PRX: variants seen among roughly 807,000 people sequenced by gnomAD.
PRX encodes periaxin.
PRX carries 24 observed loss-of-function variants against 29.6 expected under a neutral mutation model. That is an observed-to-expected ratio of 0.81 (90% CI 0.59 to 1.14). PRX has a LOEUF of 1.14. Ranked by LOEUF, PRX falls within the 50% of genes most tolerant of loss-of-function variation. The pLI is 0.00. For missense variants in PRX, 1,838 were observed against 1,926.4 expected (o/e 0.95, Z 0.86); for synonymous variants, 772 against 831.7 (o/e 0.93, Z 1.24).
Position 40,408,003 on chromosome 19 carries a change from A to C in PRX, c.-71T>G. 6.3e-7 allele frequency: 1 copy of C among 1,599,132 alleles called. No homozygotes were observed. Reference sequence around the variant, plus strand: ...CCCTTTCTGCTGCAGAACCAGCTTCAGTTCTGCATGGAGCAGCTGCCTCTG... The same window carrying C: ...CCCTTTCTGCTGCAGAACCAGCTTCCGTTCTGCATGGAGCAGCTGCCTCTG... On this transcript the variant is annotated 5_prime_UTR_variant, in exon 4 of 7. It removes the in-frame stop codon of an upstream open reading frame in the 5' UTR. Transcript: ENST00000324001.
upstream of PRX, among the ~76,000 whole-genome samples, chr19:40,414,784 C>T (rs1444175308): frequency 6.6e-6 from 1 of 152,200 alleles, no homozygotes; most frequent in Non-Finnish European, 1.5e-5. Context: ...AAGCTCGTCG[C>T]TCTCTGAACC....
In PRX at chr19:40,397,246, G is replaced by T; in HGVS notation, c.1106C>A (p.Ala369Glu). 6.2e-7 allele frequency: 1 copy of T among 1,613,788 alleles called. No homozygotes were observed. The highest frequency in any genetic ancestry group is 8.5e-7 in the Non-Finnish European group (1 of 1,180,028). The change falls in exon 7 of 7, where the codon GCA becomes GAA. Residue 369 changes from alanine to glutamate, a missense_variant. Ala to Glu is a moderately radical substitution (Grantham distance 107). Around this residue, in one of 3 missense-constraint regions of PRX, gnomAD observed 666 missense variants for 665.0 expected, o/e 1.00. Transcript: ENST00000324001. ...TACCTTGGCCTCAGCAACTTCCTTT[G>T]CTCGAGCCCCAAATCGGGGAAAACT... ...RLSFPRFGAR[A>E]KEVAEAKVAK... is the part of the protein sequence containing the mutation.
Position 40,393,921 on chromosome 19 carries a change from G to T in PRX, c.*45C>A. 6.2e-7 allele frequency: 1 copy of T among 1,602,914 alleles called. No individual in the cohort carries two copies. ...TTATCACACACACAACAGCGAGGGG[G>T]TAGAGAAAGGAAGGCAAGAAGGGAT... On this transcript the variant is annotated 3_prime_UTR_variant, in exon 7 of 7. Coordinates refer to ENST00000324001, the MANE Select transcript of PRX (RefSeq NM_181882.3).
chr19:40,412,664 T>TA, intron 1 of PRX, among the ~76,000 whole-genome samples: 1 of 152,146 alleles, frequency 6.6e-6, no homozygotes, highest in South Asian at 2.1e-4. Flanking sequence ...GCTGCCTCCC[T>TA]AGCACCCTAC....
chr19:40,406,269 C>T (rs2079530000), intron 4 of PRX, among the ~76,000 whole-genome samples: 3 of 149,368 alleles, frequency 2.0e-5, no homozygotes, highest in Admixed American at 6.7e-5. Flanking sequence ...AAAAAAGAGT[C>T]GGAGTCTTGT....
chr19:40,394,469 C>A lies in PRX; in HGVS notation c.3883G>T (p.Glu1295Ter). 1 of 1,601,820 alleles carries A rather than the reference C, an allele frequency of 6.2e-7. No individual in the cohort carries two copies. Among genetic ancestry groups the A allele is most frequent in the Admixed American group, 1.7e-5 (1 of 58,740 alleles). ...GGNHAEYQVAEGEGEAGHKLK... is the reference protein window; with the variant it reads ...GGNHAEYQVA ...TTGTGTCCGGCCTCTCCCTCCCCCT[C>A]TGCCACCTGGTACTCGGCATGGTTG... is the stretch of plus-strand genomic sequence containing the variant. Residue 1295 changes from glutamate to a stop codon, truncating the protein, a stop_gained, in exon 7 of 7, where the codon GAG becomes TAG. Coordinates refer to ENST00000324001, the MANE Select transcript of PRX (RefSeq NM_181882.3). LOFTEE classifies it high-confidence loss of function. This position sits in a 1 kb window ranked among gnomAD's most constrained non-coding sequence, Gnocchi z 5.8.
Position 40,406,445 on chromosome 19 carries a change from A to G in PRX, c.27+1461T>C, listed in dbSNP as rs193120790. 1.4e-3 allele frequency among the ~76,000 whole-genome samples: 208 copies of G among 152,124 alleles called. 1 individual carries two copies. The highest frequency in any genetic ancestry group is 4.7e-3 in the African/African-American group (195 of 41,478). ...CACAGAGGAGGACACTAAGGCCCAG[A>G]GAGGTAAAGTGACTTGCCTAATGCC... On this transcript the variant is annotated intron_variant, in intron 4 of 6. Transcript: ENST00000324001.
At chr19:40,414,007 C>T, upstream of PRX, among the ~76,000 whole-genome samples, 1 of 152,312 alleles carries the variant, frequency 6.6e-6, no homozygotes, top group East Asian at 1.9e-4. Flanking sequence ...ACAGGGGACC[C>T]CCAGTTCTCT....
At position 40,394,528 on chromosome 19, in the gene PRX, G is replaced by T; in HGVS notation, c.3824C>A (p.Ser1275Ter). The T allele has an allele frequency of 6.2e-7, 1 of 1,602,498 alleles. No homozygotes were observed. Reference protein sequence around the residue: ...PPGAERTFCLSLPDVELSPSG... With the variant: ...PPGAERTFCL The stretch of plus-strand genomic sequence containing the variant: ...TGGCGAGAGCTCCACGTCGGGCAGT[G>T]AGAGGCAGAAGGTACGCTCGGCCCC... Residue 1275 changes from serine to a stop codon, truncating the protein, a stop_gained, in exon 7 of 7, where the codon TCA (serine) becomes TAA (stop). Transcript: ENST00000324001. LOFTEE classifies it high-confidence loss of function. This position sits in a 1 kb window ranked among gnomAD's most constrained non-coding sequence, Gnocchi z 5.8.
In PRX at chr19:40,398,970, G is replaced by A. The variant is rs1412145871; in HGVS notation, c.185-154C>T. On this transcript the variant is annotated intron_variant, in intron 5 of 6. Transcript: ENST00000324001. The surrounding 1 kb of genome is among the most constrained non-coding windows in gnomAD (Gnocchi z 6.3). ...GCAGGATTAAGTCGCAGTTACGCTA[G>A]TCCCCGCCCCATGACCTTATCCCCG... Among the ~76,000 whole-genome samples the A allele has an allele frequency of 6.6e-6, 1 of 152,064 alleles. No homozygotes were observed. The highest frequency in any genetic ancestry group is 1.5e-5 in the Non-Finnish European group (1 of 67,990).
chr19:40,396,382 A>C lies in PRX; in HGVS notation c.1970T>G (p.Val657Gly), dbSNP rs771873105. 9 of 1,613,348 alleles carry C rather than the reference A, an allele frequency of 5.6e-6. No individual in the cohort carries two copies. The highest frequency in any genetic ancestry group is 7.6e-6 in the Non-Finnish European group (9 of 1,179,902). Residue 657 changes from valine (V) to glycine (G), a missense_variant, in exon 7 of 7, where the codon GTG (valine) becomes GGG (glycine). By Grantham distance (109) the Val-to-Gly change is moderately radical. Transcript: ENST00000324001. Reference sequence around the variant, plus strand: ...CATCTCTGGGACTTTCGGGAGCTGCACTTCCGGGAGGTGCACATCGGGCAC... The same window carrying C: ...CATCTCTGGGACTTTCGGGAGCTGCCCTTCCGGGAGGTGCACATCGGGCAC... ...MAVPDVHLPE[V>G]QLPKVPEMKL...
In PRX at chr19:40,394,252, G is replaced by T. The variant is rs2079406867; in HGVS notation, c.4100C>A (p.Ala1367Asp). 6.2e-7 allele frequency: 1 copy of T among 1,608,408 alleles called. No individual in the cohort carries two copies. Among genetic ancestry groups the T allele is most frequent in the Non-Finnish European group, 8.5e-7 (1 of 1,175,766 alleles). The change falls in exon 7 of 7, where the codon GCC (alanine) becomes GAC (aspartate). Residue 1367 changes from alanine to aspartate, a missense_variant. Physicochemically the swap from Ala to Asp is moderately radical, Grantham distance 126. Transcript: ENST00000324001. The surrounding 1 kb of genome is among the most constrained non-coding windows in gnomAD (Gnocchi z 5.8). ...CCGGACCCGGCCCCGGCGACCCGAG[G>T]CCCCTTCCCCACTGCCCTCTTCCTC... ...EEEEEGSGEG[A>D]SGRRGRVRVR...
chr19:40,403,672 G>T, intron 5 of PRX, 34 bp downstream of exon 5: 1 of 1,525,014 alleles, frequency 6.6e-7, no homozygotes, highest in Non-Finnish European at 8.8e-7. Context: ...CGCCCCCGCA[G>T]TTCGACCCCG....
chr19:40,397,522 G>T lies in PRX; in HGVS notation c.830C>A (p.Ala277Asp). Residue 277 changes from alanine (A) to aspartate (D), a missense_variant, in exon 7 of 7, where the codon GCC (alanine) becomes GAC (aspartate). By Grantham distance (126) the Ala-to-Asp change is moderately radical. Transcript: ENST00000324001. ...ALHLPTLGLG[A>D]PAPPAVEAPA... is the part of the protein sequence containing the mutation. ...GGCCTCCACAGCAGGCGGAGCCGGG[G>T]CTCCGAGCCCAAGGGTTGGCAGGTG... is the stretch of plus-strand genomic sequence containing the variant. The T allele has an allele frequency of 6.5e-7, 1 of 1,545,954 alleles. No individual in the cohort carries two copies.
In PRX at chr19:40,396,535, G is replaced by A. The variant is rs753226939; in HGVS notation, c.1817C>T (p.Pro606Leu). 1.2e-5 allele frequency: 19 copies of A among 1,613,956 alleles called. 1 individual carries two copies. The South Asian group carries it at 1.3e-4, about 11-fold the overall frequency. Residue 606 changes from proline to leucine, a missense_variant, in exon 7 of 7, where the codon CCG becomes CTG. Pro to Leu is a moderately conservative substitution (Grantham distance 98). Around this residue, in one of 3 missense-constraint regions of PRX, gnomAD observed 1,143 missense variants for 1,193.0 expected, o/e 0.96. Transcript: ENST00000324001. ...PEMKLPEVQL[P>L]KVPEMAVPDV... The stretch of plus-strand genomic sequence containing the variant: ...GGGCACGGCCATCTCGGGCACCTTC[G>A]GGAGTTGCACTTCAGGGAGTTTCAT...
rs562518694 is a variant in PRX at position 40,410,599 on chromosome 19, C to T, written c.-242-2216G>A. Among the ~76,000 whole-genome samples, 21 of 152,206 alleles carry T rather than the reference C, an allele frequency of 1.4e-4. No homozygotes were observed. The East Asian group carries it at 2.5e-3, about 18-fold the overall frequency. The stretch of plus-strand genomic sequence containing the variant: ...TCTAAAAACTCCAGCACGGGCTGGG[C>T]GCGTGGCTTAGGCCTGTAATCCCAA... On this transcript the variant is annotated intron_variant, in intron 1 of 6. Transcript: ENST00000324001.
In PRX at chr19:40,397,287, C is replaced by T; in HGVS notation, c.1065G>A (p.Leu355=). ...GGGGAAAACTAAGGCGGGGCATCTT[C>T]AGGGCCACCTCAGGTGCCTCTCCCC... The part of the protein sequence containing the change: ...EARGEAPEVA[L]KMPRLSFPRF... Residue 355 remains leucine (L), a synonymous_variant, in exon 7 of 7, where the codon CTG becomes CTA. Coordinates refer to ENST00000324001, the MANE Select transcript of PRX (RefSeq NM_181882.3). 1 of 1,613,506 alleles carries T rather than the reference C, an allele frequency of 6.2e-7. No individual in the cohort carries two copies. Among genetic ancestry groups the T allele is most frequent in the Non-Finnish European group, 8.5e-7 (1 of 1,180,012 alleles).
At chr19:40,407,463 C>T (rs2079537145) in intron 4 of PRX, 1 of 234,148 alleles carries the variant, frequency 4.3e-6, no homozygotes, top group South Asian at 5.3e-5. Flanking sequence ...CCACCAAACC[C>T]GGCTCATTTT....
Position 40,398,214 on chromosome 19 carries a change from C to T in PRX, c.382-244G>A. ...GACGGGGACCCAAGACTTCTAGATC[C>T]TGATCCGGGATTTTCCCCAACATCC... On this transcript the variant is annotated intron_variant, in intron 6 of 6. Coordinates refer to ENST00000324001, the MANE Select transcript of PRX (RefSeq NM_181882.3). This position sits in a 1 kb window ranked among gnomAD's most constrained non-coding sequence, Gnocchi z 6.3. The T allele has an allele frequency of 2.8e-6, 4 of 1,416,176 alleles. No individual in the cohort carries two copies. The African/African-American group carries it at 4.3e-5, about 15-fold the overall frequency. The allele number at this position is 1,416,176 out of a possible 1,614,324, so 87.7% of individuals were successfully genotyped here.
Sources: allele counts gnomAD v4.1 joint callset (sites outside exome capture counted in the v4.1 genomes callset), GRCh38; gene constraint gnomAD v4.1.1; regional missense constraint gnomAD v4.1.1; non-coding constraint Gnocchi (gnomAD v3.1); transcripts MANE v1.5; gene names NCBI Gene and HGNC (gene_info 2026-07-23, HGNC 2026-07-21).